The following ERVV-2 variants were observed in gnomAD, a reference collection of about 807,000 sequenced individuals.
ERVV-2 encodes endogenous retrovirus group V member 2 Env polyprotein.
For missense variants in ERVV-2, 291 were observed against 495.1 expected, an observed-to-expected ratio of 0.59 and a Z score of 3.91; for synonymous variants, 105 against 184.6, an observed-to-expected ratio of 0.57 and a Z score of 3.49.
At position 53,051,652 on chromosome 19, in the gene ERVV-2, T is replaced by C. The variant is rs540593132; in HGVS notation, c.*793T>C. 1.3e-4 allele frequency among the ~76,000 whole-genome samples: 20 copies of C among 152,282 alleles called. No individual in the cohort carries two copies. In the South Asian group the frequency reaches 3.7e-3, roughly 28 times the overall value. The stretch of plus-strand genomic sequence containing the variant: ...GGCTCATTCTTCTGATGTCCTCTCT[T>C]TTTAAATAAAGCTTACTTAACCCTT... On this transcript the variant is annotated 3_prime_UTR_variant, in exon 2 of 2. Coordinates refer to ENST00000601417, the MANE Select transcript of ERVV-2 (RefSeq NM_001191055.2).
At position 53,051,101 on chromosome 19, in the gene ERVV-2, A is replaced by T. The variant is rs1296768147; in HGVS notation, c.*242A>T. 4.8e-6 allele frequency: 2 copies of T among 418,786 alleles called. No individual in the cohort carries two copies. Among genetic ancestry groups the T allele is most frequent in the Admixed American group, 8.3e-5 (2 of 24,076 alleles). 25.9% of individuals were successfully genotyped at this position (418,786 alleles called of 1,614,324 possible). On this transcript the variant is annotated 3_prime_UTR_variant, in exon 2 of 2. Transcript: ENST00000601417. ...GTGATGCTGCCCACAGACAGTCAGC[A>T]CTTCTCTAATAACCCATCCTAGAAC...
In ERVV-2 at chr19:53,050,833, G is replaced by A; in HGVS notation, c.1582G>A (p.Glu528Lys). The A allele has an allele frequency of 6.5e-7, 1 of 1,533,434 alleles. No individual in the cohort carries two copies. Among genetic ancestry groups the A allele is most frequent in the Non-Finnish European group, 8.7e-7 (1 of 1,145,910 alleles). The allele number at this position is 1,533,434 out of a possible 1,614,324, so 95.0% of individuals were successfully genotyped here. Reference protein sequence around the residue: ...PLDASGQRFRETMEEFSL With the variant: ...PLDASGQRFRKTMEEFSL ...GGATGCCAGTGGGCAAAGATTCCGG[G>A]AAACTATGGAGGAATTTTCTCTCTG... is the stretch of plus-strand genomic sequence containing the variant. The change falls in exon 2 of 2, where the codon GAA becomes AAA. Residue 528 changes from glutamate (E) to lysine (K), a missense_variant. Physicochemically the swap from Glu to Lys is moderately conservative, Grantham distance 56. Coordinates refer to ENST00000601417, the MANE Select transcript of ERVV-2 (RefSeq NM_001191055.2).
chr19:53,051,051 A>G lies in ERVV-2; in HGVS notation c.*192A>G. Reference sequence around the variant, plus strand: ...GCCCTTGGGAAAGGAATCTTTAGAAACGCAGCCCACTGATAGCTTCCTTGG... The same window carrying G: ...GCCCTTGGGAAAGGAATCTTTAGAAGCGCAGCCCACTGATAGCTTCCTTGG... On this transcript the variant is annotated 3_prime_UTR_variant, in exon 2 of 2. Transcript: ENST00000601417. The G allele has an allele frequency of 1.8e-6, 1 of 548,522 alleles. No homozygotes were observed. Among genetic ancestry groups the G allele is most frequent in the Non-Finnish European group, 3.2e-6 (1 of 317,136 alleles). 34.0% of individuals were successfully genotyped at this position (548,522 alleles called of 1,614,324 possible).
chr19:53,050,949 G>C lies in ERVV-2; in HGVS notation c.*90G>C. On this transcript the variant is annotated 3_prime_UTR_variant, in exon 2 of 2. Coordinates refer to ENST00000601417, the MANE Select transcript of ERVV-2 (RefSeq NM_001191055.2). The stretch of plus-strand genomic sequence containing the variant: ...AAGACCCACGACGTCCTTACAACCA[G>C]AGCTTTTCAGGGTCTCCATCTCTTG... 1 of 1,243,398 alleles carries C rather than the reference G, an allele frequency of 8.0e-7. No individual in the cohort carries two copies. Among genetic ancestry groups the C allele is most frequent in the Non-Finnish European group, 1.1e-6 (1 of 924,810 alleles). The allele number at this position is 1,243,398 out of a possible 1,614,324, so 77.0% of individuals were successfully genotyped here. A position where few individuals can be genotyped will look rare whatever the true frequency, so the allele number is the denominator to read the frequency against.
chr19:53,048,632 G>A (rs943336675), intron 1 of ERVV-2, among the ~76,000 whole-genome samples: 1 of 124,496 alleles, frequency 8.0e-6, no homozygotes, highest in Non-Finnish European at 1.6e-5. Flanking sequence ...CCGAGATCCC[G>A]CCATTGCACT....
rs995482116 is a variant in ERVV-2 at position 53,051,015 on chromosome 19, C to G, written c.*156C>G. On this transcript the variant is annotated 3_prime_UTR_variant, in exon 2 of 2. Transcript: ENST00000601417. Reference sequence around the variant, plus strand: ...GGGTAGGCAGGTAGGCAGGCATGAGCAGGCAAGAGAGCCCTTGGGAAAGGA... The same window carrying G: ...GGGTAGGCAGGTAGGCAGGCATGAGGAGGCAAGAGAGCCCTTGGGAAAGGA... 3.1e-6 allele frequency: 2 copies of G among 641,126 alleles called. No homozygotes were observed. The highest frequency in any genetic ancestry group is 2.9e-5 in the East Asian group (1 of 34,994). The allele number at this position is 641,126 out of a possible 1,614,324, so 39.7% of individuals were successfully genotyped here. A position where few individuals can be genotyped will look rare whatever the true frequency, so the allele number is the denominator to read the frequency against.
chr19:53,049,062 C>T lies in ERVV-2; in HGVS notation c.-190C>T, dbSNP rs2083901680. 1.4e-6 allele frequency: 1 copy of T among 724,342 alleles called. No homozygotes were observed. Among genetic ancestry groups the T allele is most frequent in the South Asian group, 1.9e-5 (1 of 51,520 alleles). 44.9% of individuals were successfully genotyped at this position (724,342 alleles called of 1,614,324 possible). ...CTGTTCACCCAAAACTAAAGTCAATCTCAGTACGGGGAATCTTGGTTGCGG... is the reference window on the plus strand; with the variant it reads ...CTGTTCACCCAAAACTAAAGTCAATTTCAGTACGGGGAATCTTGGTTGCGG... On this transcript the variant is annotated 5_prime_UTR_variant, in exon 2 of 2. Transcript: ENST00000601417.
In ERVV-2 at chr19:53,050,866, G is replaced by C. The variant is rs1457722854; in HGVS notation, c.*7G>C. The C allele has an allele frequency of 4.6e-6, 7 of 1,510,364 alleles. No individual in the cohort carries two copies. In the South Asian group the frequency reaches 8.9e-5, roughly 19 times the overall value. 93.6% of individuals were successfully genotyped at this position (1,510,364 alleles called of 1,614,324 possible). On this transcript the variant is annotated 3_prime_UTR_variant, in exon 2 of 2. Coordinates refer to ENST00000601417, the MANE Select transcript of ERVV-2 (RefSeq NM_001191055.2). ...GGAGGAATTTTCTCTCTGAGACAGA[G>C]CAAGAGAGGGAGACCCTGATGACTT...
chr19:53,045,095 C>G (rs780767100), intron 1 of ERVV-2, 137 bp downstream of exon 1: 1 of 152,354 alleles, frequency 6.6e-6, no homozygotes, highest in Non-Finnish European at 1.5e-5. Context: ...TGTTCACTAA[C>G]GACTGCCCAG....
intron 1 of ERVV-2, among the ~76,000 whole-genome samples, 189 bp downstream of exon 1, chr19:53,045,147 T>G (rs2083885714): frequency 6.6e-6 from 1 of 152,212 alleles, no homozygotes; most frequent in South Asian, 2.1e-4. Flanking sequence ...TCCCTCTGGC[T>G]GATTTCTCAG....
At position 53,050,574 on chromosome 19, in the gene ERVV-2, G is replaced by A. The variant is rs748998616; in HGVS notation, c.1323G>A (p.Arg441=). Residue 441 remains arginine, a synonymous_variant, in exon 2 of 2, where the codon AGG becomes AGA. Transcript: ENST00000601417. The stretch of plus-strand genomic sequence containing the variant: ...TTGGAAAAGGAGGTGCTTCAGCAAG[G>A]GCCATCTGGGAGGCTGTGAAGTCTG... ...HDFGKGGASA[R]AIWEAVKSAL... is the part of the protein sequence containing the mutation. The A allele has an allele frequency of 6.9e-6, 6 of 867,952 alleles. No individual in the cohort carries two copies. The highest frequency in any genetic ancestry group is 2.0e-5 in the Admixed American group (1 of 50,160). 53.8% of individuals were successfully genotyped at this position (867,952 alleles called of 1,614,324 possible).
rs57887970 is a variant in ERVV-2 at position 53,051,136 on chromosome 19, C to CTTTTTTTTTTTTTTTTTTTTTTT, written c.*283_*305dup. 2.6e-4 allele frequency: 29 copies of CTTTTTTTTTTTTTTTTTTTTTTT among 110,010 alleles called. 3 individuals are homozygous for CTTTTTTTTTTTTTTTTTTTTTTT. The highest frequency in any genetic ancestry group is 1.3e-3 in the African/African-American group (28 of 21,154). The allele number at this position is 110,010 out of a possible 1,614,324, so 6.8% of individuals were successfully genotyped here. On this transcript the variant is annotated 3_prime_UTR_variant, in exon 2 of 2. Transcript: ENST00000601417. ...TAACCCATCCTAGAACAGCCTTTTG[C>CTTTTTTTTTTTTTTTTTTTTTTT]TTTTTTTTTTTTTTTTTTTTTTTTT...
In ERVV-2 at chr19:53,050,927, AC is replaced by A; in HGVS notation, c.*71del. ...TGTCAGCAGGAAGTAGTTACAGAAG[AC>A]CCACGACGTCCTTACAACCAGAGCT... On this transcript the variant is annotated 3_prime_UTR_variant, in exon 2 of 2. Coordinates refer to ENST00000601417, the MANE Select transcript of ERVV-2 (RefSeq NM_001191055.2). 7.2e-7 allele frequency: 1 copy of A among 1,387,446 alleles called. No individual in the cohort carries two copies. The highest frequency in any genetic ancestry group is 1.5e-5 in the South Asian group (1 of 66,758). The allele number at this position is 1,387,446 out of a possible 1,614,324, so 85.9% of individuals were successfully genotyped here.
In ERVV-2 at chr19:53,050,793, G is replaced by A; in HGVS notation, c.1542G>A (p.Lys514=). 6.5e-7 allele frequency: 1 copy of A among 1,536,062 alleles called. No homozygotes were observed. The highest frequency in any genetic ancestry group is 8.7e-7 in the Non-Finnish European group (1 of 1,146,912). The change falls in exon 2 of 2, where the codon AAG becomes AAA. Residue 514 remains lysine (K), a synonymous_variant. Transcript: ENST00000601417. ...LSVIGGPSTY[K]HISPLDASGQ... is the part of the protein sequence containing the mutation. ...TCATTGGAGGCCCCAGCACCTATAA[G>A]CACATCTCCCCCTTGGATGCCAGTG...
At chr19:53,046,761 G>C (rs996122525) in intron 1 of ERVV-2, among the ~76,000 whole-genome samples, 4 of 152,182 alleles carry the variant, frequency 2.6e-5, no homozygotes, top group African/African-American at 9.7e-5. Flanking sequence ...TATGTATTAA[G>C]AAGACCTAGG....
rs556966558 is a variant in ERVV-2 at position 53,045,396 on chromosome 19, G to A, written c.-386+438G>A. Among the ~76,000 whole-genome samples, 53 of 151,898 alleles carry A rather than the reference G, an allele frequency of 3.5e-4. 1 individual carries two copies. Among genetic ancestry groups the A allele is most frequent in the African/African-American group, 1.3e-3 (53 of 41,398 alleles). ...CGGCTCACTGCAACCTCCACCTCCC[G>A]GGTTCAAGCGATTCTTCTGCCTCAG... On this transcript the variant is annotated intron_variant, in intron 1 of 1. Transcript: ENST00000601417.
chr19:53,048,371 A>C (rs1037895084), intron 1 of ERVV-2, among the ~76,000 whole-genome samples: 2 of 151,370 alleles, frequency 1.3e-5, no homozygotes, highest in African/African-American at 4.9e-5. Context: ...GCAATACTAC[A>C]TCTCAAAAAA....
chr19:53,050,107 T>G lies in ERVV-2; in HGVS notation c.856T>G (p.Cys286Gly). 6.8e-7 allele frequency: 1 copy of G among 1,476,958 alleles called. No homozygotes were observed. Among genetic ancestry groups the G allele is most frequent in the Non-Finnish European group, 9.1e-7 (1 of 1,103,042 alleles). The allele number at this position is 1,476,958 out of a possible 1,614,324, so 91.5% of individuals were successfully genotyped here. Residue 286 changes from cysteine to glycine, a missense_variant, in exon 2 of 2, where the codon TGC (cysteine) becomes GGC (glycine). Physicochemically the swap from Cys to Gly is radical, Grantham distance 159 (BLOSUM62 -3). Transcript: ENST00000601417. ...STPPVANLYTCINNIQHTGEC... is the reference protein window; with the variant it reads ...STPPVANLYTGINNIQHTGEC... ...CCCCCCTGTGGCAAACCTCTACACT[T>G]GCATTAATAACATCCAACATACGGG...
rs111871607 is a variant in ERVV-2, at chr19:53,051,102, C to T, written c.*243C>T. ...TGATGCTGCCCACAGACAGTCAGCACTTCTCTAATAACCCATCCTAGAACA... is the reference window on the plus strand; with the variant it reads ...TGATGCTGCCCACAGACAGTCAGCATTTCTCTAATAACCCATCCTAGAACA... On this transcript the variant is annotated 3_prime_UTR_variant, in exon 2 of 2. Transcript: ENST00000601417. 51 of 372,084 alleles carry T rather than the reference C, an allele frequency of 1.4e-4. No individual in the cohort carries two copies. The highest frequency in any genetic ancestry group is 8.2e-4 in the African/African-American group (37 of 45,184). The allele number at this position is 372,084 out of a possible 1,614,324, so 23.0% of individuals were successfully genotyped here.
Sources: gnomAD v4.1 joint callset for allele counts (sites outside exome capture counted in the v4.1 genomes callset) on GRCh38, gnomAD v4.1.1 for gene constraint, MANE v1.5 for transcripts, NCBI Gene and HGNC (gene_info 2026-07-23, HGNC 2026-07-21) for gene names.